Variants in SLC24A2 observed in about 807,000 individuals in gnomAD.
SLC24A2 encodes the protein sodium/potassium/calcium exchanger 2.
A neutral mutation model predicts 62.0 loss-of-function variants in SLC24A2; 36 were observed. That is an observed-to-expected ratio of 0.58 (90% CI 0.44 to 0.77). SLC24A2 has a LOEUF of 0.77. SLC24A2 is among the 30% of genes least tolerant of loss of function. The pLI, the probability that SLC24A2 is intolerant of heterozygous loss-of-function variation, is 0.00. For missense variants in SLC24A2, 846 were observed against 817.9 expected, an observed-to-expected ratio of 1.03 and a Z score of -0.42; for synonymous variants, 358 against 294.0, an observed-to-expected ratio of 1.22 and a Z score of -2.23.
intron 2 of SLC24A2, among the ~76,000 whole-genome samples, chr9:19,660,526 G>A (rs541662424): frequency 1.3e-5 from 2 of 152,268 alleles, no homozygotes; most frequent in Admixed American, 1.3e-4. Flanking sequence ...GGGAAGGACT[G>A]CTGTCATTTT....
chr9:19,530,712 C>G (rs555715832), intron 8 of SLC24A2, among the ~76,000 whole-genome samples: 2 of 152,256 alleles, frequency 1.3e-5, no homozygotes, highest in East Asian at 1.9e-4. Context: ...GATTCTTAAT[C>G]AAGAAGCCAA....
In SLC24A2 at chr9:19,742,736, G is replaced by C. The variant is rs148427894; in HGVS notation, c.930+43201C>G. On this transcript the variant is annotated intron_variant, in intron 2 of 10. Coordinates refer to ENST00000341998, the MANE Select transcript of SLC24A2 (RefSeq NM_020344.4). ...CTTCAGGAACAAGGCCAACTAAAAAGCAACCTGTGAAAGAAATCAATGAAC... is the reference window on the plus strand; with the variant it reads ...CTTCAGGAACAAGGCCAACTAAAAACCAACCTGTGAAAGAAATCAATGAAC... 1.5e-3 allele frequency among the ~76,000 whole-genome samples: 230 copies of C among 152,220 alleles called. 4 individuals carry two copies. The highest frequency in any genetic ancestry group is 0.013 in the Admixed American group (202 of 15,270).
At chr9:19,771,858 G>A (rs1822700670) in intron 2 of SLC24A2, among the ~76,000 whole-genome samples, 1 of 152,156 alleles carries the variant, frequency 6.6e-6, no homozygotes, top group African/African-American at 2.4e-5. Context: ...ATTACAAAGT[G>A]CTGTTCAAGA....
chr9:20,019,776 G>A, the SLC24A2 span, among the ~76,000 whole-genome samples: 1 of 151,560 alleles, frequency 6.6e-6, no homozygotes, highest in Admixed American at 6.6e-5. Context: ...TCATCAGAGT[G>A]AACAGGCAAC....
chr9:19,560,748 CT>C (rs985878405), intron 7 of SLC24A2, among the ~76,000 whole-genome samples: 1 of 152,130 alleles, frequency 6.6e-6, no homozygotes, highest in African/African-American at 2.4e-5. Context: ...TTGAATAGAT[CT>C]TTTTGCTTTG....
Position 19,785,940 on chromosome 9 carries a change from T to A in SLC24A2, c.927A>T (p.Ala309=). 6.2e-7 allele frequency: 1 copy of A among 1,614,200 alleles called. No individual in the cohort carries two copies. Among genetic ancestry groups the A allele is most frequent in the Non-Finnish European group, 8.5e-7 (1 of 1,180,026 alleles). The change falls in exon 2 of 11, where the codon GCA becomes GCT. Residue 309 remains alanine, a synonymous_variant. Transcript: ENST00000341998. The stretch of plus-strand genomic sequence containing the variant: ...ATAAAAATCCACCACCACCAACCTT[T>A]GCTTGGGCTTCTGGTGCTGTCACCT... ...VVKVTAPEAQ[A]KPSAARDKDE...
At chr9:20,144,449 G>A in the SLC24A2 span, among the ~76,000 whole-genome samples, 1 of 152,126 alleles carries the variant, frequency 6.6e-6, no homozygotes, top group African/African-American at 2.4e-5. Context: ...TGAAACCTTA[G>A]CCTGCCACAC....
chr9:19,542,879 A>G (rs1300627826), intron 8 of SLC24A2, among the ~76,000 whole-genome samples: 1 of 152,140 alleles, frequency 6.6e-6, no homozygotes, highest in Non-Finnish European at 1.5e-5. Flanking sequence ...TTCATCAGGG[A>G]TACTGGCCTG....
chr9:20,275,867 G>C, the SLC24A2 span, among the ~76,000 whole-genome samples: 5 of 152,048 alleles, frequency 3.3e-5, no homozygotes, highest in African/African-American at 1.2e-4. Context: ...ACGTGTGAGG[G>C]AACTCCCCTT....
At chr9:19,693,730 G>C (rs761323763) in intron 2 of SLC24A2, among the ~76,000 whole-genome samples, 1 of 152,114 alleles carries the variant, frequency 6.6e-6, no homozygotes, top group Non-Finnish European at 1.5e-5. Context: ...ACAGAAGACA[G>C]TGTTGGGAAA....
the SLC24A2 span, among the ~76,000 whole-genome samples, chr9:19,981,507 T>A: frequency 2.0e-5 from 3 of 152,234 alleles, no homozygotes; most frequent in South Asian, 2.1e-4. Flanking sequence ...TAGTTTTTTT[T>A]AATTTTTGGA....
intron 2 of SLC24A2, among the ~76,000 whole-genome samples, chr9:19,763,588 G>A (rs954993993): frequency 3.3e-5 from 5 of 152,146 alleles, no homozygotes; most frequent in Non-Finnish European, 5.9e-5. Context: ...TTTTGTCACT[G>A]GTTCTGTTTA....
At chr9:20,114,690 A>T in the SLC24A2 span, among the ~76,000 whole-genome samples, 2 of 152,138 alleles carry the variant, frequency 1.3e-5, no homozygotes, top group Non-Finnish European at 2.9e-5. Flanking sequence ...ATGAATCTCC[A>T]CGCATTTTAG....
chr9:19,759,614 C>T (rs1051823719), intron 2 of SLC24A2, among the ~76,000 whole-genome samples: 10 of 152,170 alleles, frequency 6.6e-5, no homozygotes, highest in Admixed American at 6.6e-4. Flanking sequence ...TGCTGTATCT[C>T]TTTAAGTAAA....
At chr9:19,772,716 G>A (rs138202972) in intron 2 of SLC24A2, among the ~76,000 whole-genome samples, 2 of 152,314 alleles carry the variant, frequency 1.3e-5, no homozygotes, top group South Asian at 2.1e-4. Flanking sequence ...CGGCAAAGAT[G>A]TGGAGAAATC....
upstream of SLC24A2, among the ~76,000 whole-genome samples, chr9:19,792,683 G>C (rs544504446): frequency 6.8e-6 from 1 of 147,844 alleles, no homozygotes; most frequent in African/African-American, 2.4e-5. Context: ...ACTCCAGCCT[G>C]GGAAACAAGA....
At chr9:19,995,898 G>A in the SLC24A2 span, among the ~76,000 whole-genome samples, 2 of 152,232 alleles carry the variant, frequency 1.3e-5, no homozygotes, top group South Asian at 2.1e-4. Context: ...AGATGAACAT[G>A]CATACACACT....
intron 2 of SLC24A2, among the ~76,000 whole-genome samples, chr9:19,669,008 G>C (rs567398448): frequency 6.6e-6 from 1 of 152,296 alleles, no homozygotes; most frequent in South Asian, 2.1e-4. Flanking sequence ...AAATATTCTT[G>C]CTCCCTCGGC....
In SLC24A2 at chr9:19,605,126, A is replaced by C. The variant is rs544230193; in HGVS notation, c.1079-7847T>G. Among the ~76,000 whole-genome samples, 197 of 152,358 alleles carry C rather than the reference A, an allele frequency of 1.3e-3. 2 individuals carry two copies. Among genetic ancestry groups the C allele is most frequent in the African/African-American group, 3.7e-3 (152 of 41,588 alleles). On this transcript the variant is annotated intron_variant, in intron 4 of 10. Coordinates refer to ENST00000341998, the MANE Select transcript of SLC24A2 (RefSeq NM_020344.4). ...TTAGATTAAATAGCAAATGCCTGCC[A>C]GTAAACCAGAGATCTGGTTACGCAG...
Sources: gnomAD v4.1 joint callset for allele counts (sites outside exome capture counted in the v4.1 genomes callset) on GRCh38, gnomAD v4.1.1 for gene constraint, MANE v1.5 for transcripts, NCBI Gene and HGNC (gene_info 2026-07-23, HGNC 2026-07-21) for gene names.